The following TTN variants were observed in gnomAD, a reference collection of about 807,000 sequenced individuals.
The protein encoded by TTN is connectin.
TTN carries 1,525 observed loss-of-function variants against 3,223.0 expected under a neutral mutation model. The observed-to-expected ratio is 0.47, with a 90% CI of 0.45 to 0.49. TTN has a LOEUF of 0.49. Ranked by LOEUF, TTN falls within the 20% of genes least tolerant of loss-of-function variation. The pLI is 0.00. For missense variants in TTN, 40,786 were observed against 43,424.0 expected (o/e 0.94, Z 5.40); for synonymous variants, 14,094 against 15,161.0 (o/e 0.93, Z 5.17).
chr2:178,720,587 A>G lies in TTN; in HGVS notation c.23175T>C (p.Ile7725=), dbSNP rs1270184889. ...CTACTTCAAATGGGGGAGTTCCCGA[A>G]ATTTCACATTGGAGAATCACATCAG... ...KGSDVILQCE[I]SGTPPFEVVW... The change falls in exon 80 of 363, where the codon ATT becomes ATC. Residue 7725 remains isoleucine (I), a synonymous_variant. Transcript: ENST00000589042. The G allele has an allele frequency of 6.2e-7, 1 of 1,613,376 alleles. No homozygotes were observed. Among genetic ancestry groups the G allele is most frequent in the South Asian group, 1.1e-5 (1 of 91,038 alleles).
Position 178,784,407 on chromosome 2 carries a change from C to A in TTN, c.2494-56G>T, listed in dbSNP as rs562733195. The stretch of plus-strand genomic sequence containing the variant: ...CATTTAACCATCCTCCGATGGCTAG[C>A]CCTCTTGGACTGAGTCTGAGCCTAT... On this transcript the variant is annotated intron_variant, in intron 15 of 362. Transcript: ENST00000589042. 2.5e-6 allele frequency: 4 copies of A among 1,594,204 alleles called. No homozygotes were observed. The African/African-American group carries it at 5.4e-5, about 21-fold the overall frequency.
In TTN at chr2:178,718,529, T is replaced by C. The variant is rs774247592; in HGVS notation, c.24577A>G (p.Thr8193Ala). The C allele has an allele frequency of 5.0e-6, 8 of 1,613,688 alleles. No homozygotes were observed. Among genetic ancestry groups the C allele is most frequent in the Admixed American group, 1.7e-5 (1 of 59,998 alleles). Residue 8193 changes from threonine (T) to alanine (A), a missense_variant, in exon 85 of 363, where the codon ACA becomes GCA. By Grantham distance (58) the Thr-to-Ala change is moderately conservative. Coordinates refer to ENST00000589042, the MANE Select transcript of TTN (RefSeq NM_001267550.2). Reference protein sequence around the residue: ...ETGSPIVLEATYTGTPPISVS... With the variant: ...ETGSPIVLEAAYTGTPPISVS... ...GAGATTGGAGGTGTGCCAGTGTATG[T>C]GGCCTCGAGAACTATGGGGCTTCCT...
chr2:178,570,996 T>C lies in TTN; in HGVS notation c.75136A>G (p.Lys25046Glu). Reference protein sequence around the residue: ...SKITGYIVEKKELPEGRWMKA... With the variant: ...SKITGYIVEKEELPEGRWMKA... The stretch of plus-strand genomic sequence containing the variant: ...ATCCAACGGCCCTCAGGTAATTCTT[T>C]CTTCTCAACAATATAACCAGTGATC... The change falls in exon 326 of 363, where the codon AAA becomes GAA. Residue 25046 changes from lysine to glutamate, a missense_variant. Physicochemically the swap from Lys to Glu is moderately conservative, Grantham distance 56. Coordinates refer to ENST00000589042, the MANE Select transcript of TTN (RefSeq NM_001267550.2). The C allele has an allele frequency of 1.2e-6, 2 of 1,613,312 alleles. No homozygotes were observed. The highest frequency in any genetic ancestry group is 1.7e-6 in the Non-Finnish European group (2 of 1,179,450).
Position 178,785,729 on chromosome 2 carries a change from G to C in TTN, c.2384C>G (p.Thr795Arg). The change falls in exon 15 of 363, where the codon ACA becomes AGA. Residue 795 changes from threonine (T) to arginine (R), a missense_variant. By Grantham distance (71) the Thr-to-Arg change is moderately conservative. Coordinates refer to ENST00000589042, the MANE Select transcript of TTN (RefSeq NM_001267550.2). ...MHISSQIKKT[T>R]DLTTERLVHV... The stretch of plus-strand genomic sequence containing the variant: ...GACTAATCTTTCCGTTGTTAGATCT[G>C]TAGTTTTCTTGATCTGCATTGAAAT... The C allele has an allele frequency of 1.2e-6, 2 of 1,614,148 alleles. No homozygotes were observed.
intron 50 of TTN, 77 bp from the exon 51 acceptor site, chr2:178,735,065 C>A: frequency 1.4e-6 from 2 of 1,424,996 alleles, no homozygotes; most frequent in Non-Finnish European, 1.9e-6. Context: ...TAGACATATA[C>A]AACAAAGAGA....
intron 215 of TTN, among the ~76,000 whole-genome samples, 200 bp downstream of exon 215, chr2:178,646,864 T>C (rs976631800): frequency 1.3e-5 from 2 of 151,958 alleles, no homozygotes; most frequent in African/African-American, 4.8e-5. Context: ...TTTTGGAAAT[T>C]GTAATTACCA....
chr2:178,624,498 C>T lies in TTN; in HGVS notation c.44782G>A (p.Asp14928Asn), dbSNP rs772700762. Residue 14928 changes from aspartate to asparagine, a missense_variant, in exon 242 of 363, where the codon GAT (aspartate) becomes AAT (asparagine). Physicochemically the swap from Asp to Asn is conservative, Grantham distance 23. Transcript: ENST00000589042. ...TTCAGGTTACAGGAAGTCTTAAAAT[C>T]CTTAGCATCACAAGTGTATGTTTTA... is the stretch of plus-strand genomic sequence containing the variant. Reference protein sequence around the residue: ...DIKTYTCDAKDFKTSCNLNVV... With the variant: ...DIKTYTCDAKNFKTSCNLNVV... 1 of 1,612,552 alleles carries T rather than the reference C, an allele frequency of 6.2e-7. No individual in the cohort carries two copies. The highest frequency in any genetic ancestry group is 8.5e-7 in the Non-Finnish European group (1 of 1,179,034).
In TTN at chr2:178,741,020, A is replaced by T; in HGVS notation, c.12213T>A (p.Ile4071=). ...AAATGGTGTCTTTTACAAACGTTGC[A>T]ATTTCCTGCTCTGAGTCAAGTGCTT... ...AVEALDSEQE[I]ATFVKDTILK... The change falls in exon 48 of 363, where the codon ATT becomes ATA. Residue 4071 remains isoleucine, a synonymous_variant. Transcript: ENST00000589042. 1 of 1,613,918 alleles carries T rather than the reference A, an allele frequency of 6.2e-7. No homozygotes were observed. Among genetic ancestry groups the T allele is most frequent in the Non-Finnish European group, 8.5e-7 (1 of 1,179,830 alleles).
intron 49 of TTN, among the ~76,000 whole-genome samples, chr2:178,736,629 C>G (rs1487586628): frequency 2.0e-5 from 3 of 152,186 alleles, no homozygotes; most frequent in African/African-American, 7.2e-5. Flanking sequence ...CATTCTGCAT[C>G]TTGAAGCCAG....
Position 178,567,720 on chromosome 2 carries a change from C to A in TTN, c.78412G>T (p.Ala26138Ser). 6.2e-7 allele frequency: 1 copy of A among 1,612,354 alleles called. No individual in the cohort carries two copies. Among genetic ancestry groups the A allele is most frequent in the Non-Finnish European group, 8.5e-7 (1 of 1,178,688 alleles). ...GTTTCAATGACATTTGTAAAGCTAG[C>A]TTTCATCCAACGACCATCAGGCAAA... is the stretch of plus-strand genomic sequence containing the variant. ...RDLPDGRWMK[A>S]SFTNVIETQF... Residue 26138 changes from alanine (A) to serine (S), a missense_variant, in exon 326 of 363, where the codon GCT becomes TCT. Coordinates refer to ENST00000589042, the MANE Select transcript of TTN (RefSeq NM_001267550.2).
At position 178,725,468 on chromosome 2, in the gene TTN, T is replaced by C. The variant is rs876657600; in HGVS notation, c.20736A>G (p.Leu6912=). Residue 6912 remains leucine, a synonymous_variant, in exon 71 of 363, where the codon CTA becomes CTG. Transcript: ENST00000589042. ...TAGCTGGCTCTGCTTTTGCAAACTG[T>C]AGAGTTGCAACATTTTCCACAAATG... The part of the protein sequence containing the change: ...RITFVENVAT[L]QFAKAEPANA... The C allele has an allele frequency of 1.9e-6, 3 of 1,613,286 alleles. No individual in the cohort carries two copies. Among genetic ancestry groups the C allele is most frequent in the Non-Finnish European group, 2.5e-6 (3 of 1,179,510 alleles).
intron 47 of TTN, chr2:178,748,669 C>T: frequency 6.2e-7 from 1 of 1,612,852 alleles, no homozygotes; most frequent in Non-Finnish European, 8.5e-7. Flanking sequence ...TGTGAAACTG[C>T]TTTAAGTCAA....
intron 47 of TTN, chr2:178,747,813 C>A (rs771094174): frequency 1.2e-6 from 2 of 1,612,548 alleles, no homozygotes; most frequent in Non-Finnish European, 1.7e-6. Flanking sequence ...TGAACTTGAA[C>A]TTCTTCATAA....
rs748669104 is a variant in TTN at position 178,634,131 on chromosome 2, G to A, written c.42416-48C>T. Reference sequence around the variant, plus strand: ...GCCTCAGAAACACAATTCACCTTCAGAAAGATTCCATTCTAATCTGCCTGA... The same window carrying A: ...GCCTCAGAAACACAATTCACCTTCAAAAAGATTCCATTCTAATCTGCCTGA... On this transcript the variant is annotated intron_variant, in intron 230 of 362. Transcript: ENST00000589042. The surrounding 1 kb of genome is among the most constrained non-coding windows in gnomAD (Gnocchi z 4.6). 6.2e-7 allele frequency: 1 copy of A among 1,602,438 alleles called. No homozygotes were observed. The highest frequency in any genetic ancestry group is 8.5e-7 in the Non-Finnish European group (1 of 1,176,784).
chr2:178,752,155 C>T, intron 47 of TTN: 1 of 921,574 alleles, frequency 1.1e-6, no homozygotes, highest in Non-Finnish European at 1.6e-6. Context: ...CTCACAAATC[C>T]ATAGAAAAAT....
Position 178,571,191 on chromosome 2 carries a change from A to C in TTN, c.74941T>G (p.Phe24981Val), listed in dbSNP as rs1559399002. Residue 24981 changes from phenylalanine (F) to valine (V), a missense_variant, in exon 326 of 363, where the codon TTT becomes GTT. Physicochemically the swap from Phe to Val is conservative, Grantham distance 50 (BLOSUM62 -1). Transcript: ENST00000589042. The part of the protein sequence containing the change: ...TGLEEGVEYE[F>V]RVSAENIVGI... ...ACGATGTTCTCTGCAGAGACTCTAA[A>C]TTCATATTCAACACCTTCTTCAAGG... 6.2e-7 allele frequency: 1 copy of C among 1,613,470 alleles called. No individual in the cohort carries two copies.
rs569103774 is a variant in TTN at position 178,722,968 on chromosome 2, G to A, written c.21962-31C>T. ...GAAGAAAGGCTCACAGTTAGCAACTGGAATTAATGAATATCAAAGAAACTA... is the reference window on the plus strand; with the variant it reads ...GAAGAAAGGCTCACAGTTAGCAACTAGAATTAATGAATATCAAAGAAACTA... On this transcript the variant is annotated intron_variant, in intron 75 of 362. Transcript: ENST00000589042. 6 of 1,596,092 alleles carry A rather than the reference G, an allele frequency of 3.8e-6. No homozygotes were observed. The East Asian group carries it at 1.1e-4, about 30-fold the overall frequency.
chr2:178,564,721 A>C lies in TTN; in HGVS notation c.81411T>G (p.Leu27137=). The C allele has an allele frequency of 6.2e-7, 1 of 1,613,292 alleles. No homozygotes were observed. The highest frequency in any genetic ancestry group is 1.1e-5 in the South Asian group (1 of 91,054). Residue 27137 remains leucine (L), a synonymous_variant, in exon 326 of 363, where the codon CTT becomes CTG. Coordinates refer to ENST00000589042, the MANE Select transcript of TTN (RefSeq NM_001267550.2). ...IQDTKFKTTG[L]DEGLEYEFKV... ...TGAACTCATACTCAAGGCCCTCATC[A>C]AGCCCAGTTGTTTTGAATTTGGTGT...
At position 178,637,436 on chromosome 2, in the gene TTN, A is replaced by G; in HGVS notation, c.40877-17T>C. The G allele has an allele frequency of 6.8e-7, 1 of 1,465,056 alleles. No homozygotes were observed. Among genetic ancestry groups the G allele is most frequent in the South Asian group, 1.5e-5 (1 of 64,872 alleles). The allele number at this position is 1,465,056 out of a possible 1,614,324, so 90.8% of individuals were successfully genotyped here. Reference sequence around the variant, plus strand: ...CTTTGGCTTCTGAAATAAAAATAAAACTCAGCATTTAAACACTTTTCGGAC... The same window carrying G: ...CTTTGGCTTCTGAAATAAAAATAAAGCTCAGCATTTAAACACTTTTCGGAC... On this transcript the variant is annotated splice_polypyrimidine_tract_variant and intron_variant, in intron 223 of 362. Coordinates refer to ENST00000589042, the MANE Select transcript of TTN (RefSeq NM_001267550.2).
Sources: gnomAD v4.1 joint callset for allele counts (sites outside exome capture counted in the v4.1 genomes callset) on GRCh38, gnomAD v4.1.1 for gene constraint, Gnocchi (gnomAD v3.1) non-coding constraint, MANE v1.5 for transcripts, NCBI Gene and HGNC (gene_info 2026-07-23, HGNC 2026-07-21) for gene names.